Variants in SLCO2B1 observed in about 807,000 individuals in gnomAD.
SLCO2B1 encodes the protein OATP-RP2.
SLCO2B1 carries 41 observed loss-of-function variants against 67.3 expected under a neutral mutation model. The observed-to-expected ratio is 0.61, with a 90% CI of 0.47 to 0.79. SLCO2B1 has a LOEUF of 0.79. SLCO2B1 is among the 30% of genes least tolerant of loss of function. The probability of loss-of-function intolerance (pLI) is 0.00; values close to 1 mark genes in which losing one functional copy is unlikely to be tolerated. For synonymous variants in SLCO2B1, 379 were observed against 381.4 expected, an observed-to-expected ratio of 0.99 and a Z score of 0.07; for missense variants, 837 against 920.1, an observed-to-expected ratio of 0.91 and a Z score of 1.17.
chr11:75,172,592 G>C (rs770899300), intron 7 of SLCO2B1, 23 bp downstream of exon 7: 22 of 1,601,422 alleles, frequency 1.4e-5, no homozygotes, highest in Non-Finnish European at 1.7e-5. Flanking sequence ...CATGTCACCT[G>C]ACTGGGTCCA....
At chr11:75,182,234 C>T (rs1006075763) in intron 7 of SLCO2B1, among the ~76,000 whole-genome samples, 12 of 152,212 alleles carry the variant, frequency 7.9e-5, no homozygotes, top group African/African-American at 2.9e-4. Flanking sequence ...TCACTCCCCT[C>T]CTGTTCCAAA....
chr11:75,196,598 C>T lies in SLCO2B1; in HGVS notation c.1518C>T (p.Pro506=), dbSNP rs772658198. The T allele has an allele frequency of 1.2e-6, 2 of 1,614,114 alleles. No homozygotes were observed. The highest frequency in any genetic ancestry group is 2.2e-5 in the South Asian group (2 of 91,082). ...ACGGCTTTAACCCTGTCTGCGACCCCAGCACTCGTGTGGAATACATCACAC... is the reference window on the plus strand; with the variant it reads ...ACGGCTTTAACCCTGTCTGCGACCCTAGCACTCGTGTGGAATACATCACAC... ...PLDGFNPVCD[P]STRVEYITPC... The change falls in exon 10 of 14, where the codon CCC becomes CCT. Residue 506 remains proline, a synonymous_variant. Transcript: ENST00000289575.
chr11:75,151,266 G>A lies in SLCO2B1; in HGVS notation c.-116G>A. The stretch of plus-strand genomic sequence containing the variant: ...CTCCCACCGTTATTGCATCCCTGCT[G>A]TGGCTCACCTGCTGCTGTCTCCAGG... On this transcript the variant is annotated 5_prime_UTR_variant, in exon 1 of 14. It adds an upstream start codon to the 5' untranslated region. Coordinates refer to ENST00000289575, the MANE Select transcript of SLCO2B1 (RefSeq NM_007256.5). 1 of 878,850 alleles carries A rather than the reference G, an allele frequency of 1.1e-6. No homozygotes were observed. The highest frequency in any genetic ancestry group is 1.8e-6 in the Non-Finnish European group (1 of 546,994). The allele number at this position is 878,850 out of a possible 1,614,324, so 54.4% of individuals were successfully genotyped here.
At position 75,172,561 on chromosome 11, in the gene SLCO2B1, G is replaced by C. The variant is rs373522915; in HGVS notation, c.964G>C (p.Ala322Pro). 5 of 1,613,440 alleles carry C rather than the reference G, an allele frequency of 3.1e-6. No individual in the cohort carries two copies. In the African/African-American group the frequency reaches 6.7e-5, roughly 22 times the overall value. Residue 322 changes from alanine (A) to proline (P), a missense_variant, in exon 7 of 14, where the codon GCC (alanine) becomes CCC (proline). Coordinates refer to ENST00000289575, the MANE Select transcript of SLCO2B1 (RefSeq NM_007256.5). ...RKVLAVTDSP[A>P]RKGKDSPSKQ... Reference sequence around the variant, plus strand: ...GGTCTTAGCAGTCACAGACTCACCTGCCAGGAAGGTAAGCTCCCTCCATGT... The same window carrying C: ...GGTCTTAGCAGTCACAGACTCACCTCCCAGGAAGGTAAGCTCCCTCCATGT...
chr11:75,175,776 GAGA>G (rs2140319695), intron 7 of SLCO2B1, among the ~76,000 whole-genome samples: 1 of 152,298 alleles, frequency 6.6e-6, no homozygotes, highest in Admixed American at 6.5e-5. Context: ...GAGGAGGTCT[GAGA>G]AGGTGAAGGA....
rs916246686 is a variant in SLCO2B1 at position 75,206,395 on chromosome 11, T to A, written c.*1815T>A. 4 of 152,240 alleles carry A rather than the reference T, an allele frequency of 2.6e-5. No individual in the cohort carries two copies. Among genetic ancestry groups the A allele is most frequent in the Non-Finnish European group, 4.4e-5 (3 of 68,048 alleles). 9.4% of individuals were successfully genotyped at this position (152,240 alleles called of 1,614,324 possible). A position where few individuals can be genotyped will look rare whatever the true frequency, so the allele number is the denominator to read the frequency against. ...TGCTTGTATATTACATCTTTTCCAA[T>A]CTTTATATTCTGGTCTAATTTTTGT... On this transcript the variant is annotated 3_prime_UTR_variant, in exon 14 of 14. Coordinates refer to ENST00000289575, the MANE Select transcript of SLCO2B1 (RefSeq NM_007256.5).
intron 11 of SLCO2B1, chr11:75,201,433 T>C (rs867498151): frequency 2.0e-5 from 3 of 152,200 alleles, no homozygotes; most frequent in South Asian, 2.1e-4. Flanking sequence ...AATTCTGCAG[T>C]GGACCCTAGC....
Position 75,163,972 on chromosome 11 carries a change from C to T in SLCO2B1, c.157C>T (p.Leu53=), listed in dbSNP as rs779690545. The T allele has an allele frequency of 3.7e-6, 6 of 1,600,324 alleles. No homozygotes were observed. The highest frequency in any genetic ancestry group is 4.3e-6 in the Non-Finnish European group (5 of 1,173,796). The change falls in exon 3 of 14, where the codon CTG becomes TTG. Residue 53 remains leucine, a synonymous_variant. Transcript: ENST00000289575. ...CCGGGTCCCCCCACAGCTGTTCGTT[C>T]TGTGCCACAGCCTGCTGCAGCTGGC... The part of the protein sequence containing the change: ...SVFHNIKLFV[L]CHSLLQLAQL...
chr11:75,152,331 G>T (rs1192226566), intron 1 of SLCO2B1: 1 of 152,334 alleles, frequency 6.6e-6, no homozygotes, highest in Admixed American at 6.5e-5. Context: ...AGCCATTTGG[G>T]CAAGGCCCCA....
At chr11:75,194,779 C>A (rs991917005) in intron 9 of SLCO2B1, among the ~76,000 whole-genome samples, 2 of 152,012 alleles carry the variant, frequency 1.3e-5, no homozygotes, top group South Asian at 4.2e-4. Context: ...TTAAATAGTG[C>A]AGAAAAAGTC....
At chr11:75,171,496 G>C (rs1256480609) in intron 6 of SLCO2B1, among the ~76,000 whole-genome samples, 1 of 152,138 alleles carries the variant, frequency 6.6e-6, no homozygotes, top group Non-Finnish European at 1.5e-5. Flanking sequence ...GGCCTCTAAT[G>C]AGTCTTCCAC....
intron 4 of SLCO2B1, among the ~76,000 whole-genome samples, chr11:75,167,673 A>G (rs1346947927): frequency 6.6e-6 from 1 of 152,152 alleles, no homozygotes; most frequent in African/African-American, 2.4e-5. Context: ...AACGTCTAGT[A>G]GGCCCCATGC....
chr11:75,162,624 T>G (rs780307228), intron 1 of SLCO2B1, 31 bp from the exon 2 acceptor site: 1 of 1,603,502 alleles, frequency 6.2e-7, no homozygotes, highest in Non-Finnish European at 8.5e-7. Flanking sequence ...GGATTCTATC[T>G]ATTCTCTTTC....
At chr11:75,163,025 C>T (rs1054805642) in intron 2 of SLCO2B1, 9 of 351,572 alleles carry the variant, frequency 2.6e-5, no homozygotes, top group Non-Finnish European at 4.1e-5. Context: ...TGGAGTAGTA[C>T]AGGATGAGGC....
At chr11:75,172,160 G>A (rs1243747377) in intron 6 of SLCO2B1, among the ~76,000 whole-genome samples, 5 of 152,182 alleles carry the variant, frequency 3.3e-5, no homozygotes, top group African/African-American at 1.2e-4. Flanking sequence ...CTTGACCACT[G>A]CACTATACTG....
intron 11 of SLCO2B1, chr11:75,201,375 T>G (rs1042035719): frequency 6.6e-6 from 1 of 152,218 alleles, no homozygotes; most frequent in Non-Finnish European, 1.5e-5. Flanking sequence ...AGAAGACTTC[T>G]GCAACCAGAA....
chr11:75,188,078 A>G (rs1944964237), intron 7 of SLCO2B1, 58 bp from the exon 8 acceptor site: 9 of 1,259,508 alleles, frequency 7.1e-6, no homozygotes, highest in Non-Finnish European at 1.0e-5. Context: ...CCCACAGCCA[A>G]CTCTGAGTGG....
chr11:75,188,030 G>A (rs1944963566), intron 7 of SLCO2B1, 106 bp from the exon 8 acceptor site: 3 of 686,216 alleles, frequency 4.4e-6, no homozygotes, highest in Admixed American at 4.7e-5. Context: ...AGATGACAGG[G>A]CTCTCACCCT....
At position 75,202,881 on chromosome 11, in the gene SLCO2B1, C is replaced by T; in HGVS notation, c.1764-20C>T. On this transcript the variant is annotated intron_variant, in intron 11 of 13. Transcript: ENST00000289575. Reference sequence around the variant, plus strand: ...CTGGAACCCCTCCAACCTCATGTTGCCCATGTCTCTGCTTGTTAGAGGAGT... The same window carrying T: ...CTGGAACCCCTCCAACCTCATGTTGTCCATGTCTCTGCTTGTTAGAGGAGT... The T allele has an allele frequency of 6.2e-7, 1 of 1,612,534 alleles. No homozygotes were observed. The highest frequency in any genetic ancestry group is 8.5e-7 in the Non-Finnish European group (1 of 1,178,790).
Sources: gnomAD v4.1 joint callset for allele counts (sites outside exome capture counted in the v4.1 genomes callset) on GRCh38, gnomAD v4.1.1 for gene constraint, MANE v1.5 for transcripts, NCBI Gene and HGNC (gene_info 2026-07-23, HGNC 2026-07-21) for gene names.